The following INPP4B variants were observed in gnomAD, a reference collection of about 807,000 sequenced individuals.
INPP4B encodes the protein inositol polyphosphate 4-phosphatase type II.
Under a neutral mutation model 122.5 loss-of-function variants are expected in INPP4B, and 55 were observed. That is an observed-to-expected ratio of 0.45 (90% confidence interval 0.36 to 0.56). The LOEUF is 0.56. INPP4B is among the 20% of genes least tolerant of loss of function. INPP4B has a pLI of 0.00. For missense variants in INPP4B, 1,000 were observed against 1,097.7 expected, an observed-to-expected ratio of 0.91 and a Z score of 1.26; for synonymous variants, 403 against 388.7, an observed-to-expected ratio of 1.04 and a Z score of -0.43.
At chr4:142,544,439 C>T (rs568818202) in intron 2 of INPP4B, among the ~76,000 whole-genome samples, 1 of 152,190 alleles carries the variant, frequency 6.6e-6, no homozygotes, top group East Asian at 1.9e-4. Flanking sequence ...GAGCTGGTTG[C>T]TGCAGCTGGA....
chr4:142,266,741 G>C (rs574747028), intron 10 of INPP4B, among the ~76,000 whole-genome samples: 1 of 151,960 alleles, frequency 6.6e-6, no homozygotes, highest in South Asian at 2.1e-4. Flanking sequence ...AGAAATAAAA[G>C]ATATCCAAAT....
intron 2 of INPP4B, among the ~76,000 whole-genome samples, chr4:142,550,080 G>T (rs568617933): frequency 2.0e-5 from 3 of 152,214 alleles, no homozygotes; most frequent in Admixed American, 2.0e-4. Flanking sequence ...AGGCTCCCAG[G>T]GGGTAAATGA....
chr4:142,358,954 T>G (rs1784515917), intron 7 of INPP4B, among the ~76,000 whole-genome samples: 1 of 152,016 alleles, frequency 6.6e-6, no homozygotes, highest in African/African-American at 2.4e-5. Flanking sequence ...GCAAGTCATC[T>G]TGCTGTTTCG....
chr4:142,347,869 C>T (rs1426652257), intron 7 of INPP4B, among the ~76,000 whole-genome samples: 1 of 151,912 alleles, frequency 6.6e-6, no homozygotes, highest in African/African-American at 2.4e-5. Flanking sequence ...CTGCTCCCAC[C>T]TCAAAGCTAA....
At chr4:142,717,672 T>C (rs1292696568) in intron 2 of INPP4B, among the ~76,000 whole-genome samples, 2 of 151,602 alleles carry the variant, frequency 1.3e-5, no homozygotes, top group African/African-American at 4.9e-5. Flanking sequence ...TTGTCACTCA[T>C]AGGTGGGAAA....
At chr4:142,682,504 C>T (rs1758770675) in intron 2 of INPP4B, among the ~76,000 whole-genome samples, 1 of 151,866 alleles carries the variant, frequency 6.6e-6, no homozygotes, top group Admixed American at 6.6e-5. Flanking sequence ...TAAATTACAT[C>T]ACTGATAAAA....
intron 2 of INPP4B, among the ~76,000 whole-genome samples, chr4:142,511,818 T>C (rs2149870726): frequency 6.6e-6 from 1 of 151,168 alleles, no homozygotes; most frequent in East Asian, 1.9e-4. Flanking sequence ...TTTGCATATA[T>C]TTTCATAACT....
chr4:142,085,267 G>A (rs760389444), intron 24 of INPP4B, among the ~76,000 whole-genome samples: 1 of 152,216 alleles, frequency 6.6e-6, no homozygotes, highest in Non-Finnish European at 1.5e-5. Context: ...AGCACTGGAA[G>A]TAGGGGAAAA....
At chr4:142,410,474 A>T (rs1386861756) in intron 5 of INPP4B, among the ~76,000 whole-genome samples, 1 of 152,214 alleles carries the variant, frequency 6.6e-6, no homozygotes, top group East Asian at 1.9e-4. Context: ...AGAACAAAGC[A>T]GTGGCCACAG....
At chr4:142,305,015 A>C (rs1762811358) in intron 9 of INPP4B, among the ~76,000 whole-genome samples, 1 of 152,138 alleles carries the variant, frequency 6.6e-6, no homozygotes, top group Admixed American at 6.6e-5. Flanking sequence ...GTTTAATAGT[A>C]TAGCACCAAA....
intron 2 of INPP4B, among the ~76,000 whole-genome samples, chr4:142,584,257 G>C (rs551085844): frequency 1.3e-5 from 2 of 152,168 alleles, no homozygotes; most frequent in East Asian, 1.9e-4. Context: ...CCAGTTTCTA[G>C]TCTTATCAAC....
chr4:142,524,824 G>C (rs1219673951), intron 2 of INPP4B, among the ~76,000 whole-genome samples: 10 of 151,250 alleles, frequency 6.6e-5, no homozygotes, highest in African/African-American at 2.4e-4. Context: ...TTGAAAACTG[G>C]CACAAGACAG....
rs148491781 is a variant in INPP4B at position 142,779,788 on chromosome 4, G to C, written c.-253-53887C>G. The stretch of plus-strand genomic sequence containing the variant: ...GGAGGAAAGGAATGAAAGTGGGAAA[G>C]GAAGAAAGATAAAAAGAAAACCAAG... On this transcript the variant is annotated intron_variant, in intron 1 of 25. Coordinates refer to ENST00000262992, the MANE Select transcript of INPP4B (RefSeq NM_001101669.3). 2.8e-3 allele frequency among the ~76,000 whole-genome samples: 430 copies of C among 152,198 alleles called. 2 individuals are homozygous for C. Among genetic ancestry groups the C allele is most frequent in the African/African-American group, 9.5e-3 (395 of 41,552 alleles).
chr4:142,477,370 C>A (rs1182431175), intron 2 of INPP4B, among the ~76,000 whole-genome samples: 1 of 151,714 alleles, frequency 6.6e-6, no homozygotes. Flanking sequence ...AATCTAACAT[C>A]AAACCTAGAG....
intron 7 of INPP4B, among the ~76,000 whole-genome samples, chr4:142,354,442 C>T (rs931420): frequency 0.41 from 62,223 of 151,734 alleles, 13,103 homozygotes; most frequent in East Asian, 0.64. Flanking sequence ...CCCCACAGAC[C>T]TGGAGTTCTT....
intron 3 of INPP4B, among the ~76,000 whole-genome samples, chr4:142,431,690 T>C (rs1809338964): frequency 6.6e-6 from 1 of 152,156 alleles, no homozygotes; most frequent in South Asian, 2.1e-4. Flanking sequence ...GTATAAAACC[T>C]AATTTAGCAG....
intron 9 of INPP4B, among the ~76,000 whole-genome samples, chr4:142,274,616 A>G (rs771657012): frequency 6.6e-6 from 1 of 151,914 alleles, no homozygotes; most frequent in Non-Finnish European, 1.5e-5. Context: ...TATATATGTC[A>G]TACAGATGTA....
chr4:142,276,508 G>A (rs1748475137), intron 9 of INPP4B, among the ~76,000 whole-genome samples: 2 of 151,846 alleles, frequency 1.3e-5, no homozygotes, highest in Non-Finnish European at 2.9e-5. Flanking sequence ...ACTCTATACA[G>A]TAAACAGCTA....
chr4:142,295,576 G>A (rs2151031713), intron 9 of INPP4B, among the ~76,000 whole-genome samples: 1 of 152,286 alleles, frequency 6.6e-6, no homozygotes, highest in African/African-American at 2.4e-5. Context: ...GGAACATAGT[G>A]TCTAATAAGC....
Sources: gnomAD v4.1 joint callset for allele counts (sites outside exome capture counted in the v4.1 genomes callset) on GRCh38, gnomAD v4.1.1 for gene constraint, MANE v1.5 for transcripts, NCBI Gene and HGNC (gene_info 2026-07-23, HGNC 2026-07-21) for gene names.